Variants in POLN observed in about 807,000 individuals in gnomAD.
POLN encodes the protein DNA polymerase nu, also known as DNA polymerase N.
Under a neutral mutation model 113.5 loss-of-function variants are expected in POLN, and 108 were observed. The ratio of observed to expected loss-of-function variants is 0.95; its 90% CI spans 0.81 to 1.12. The LOEUF (loss-of-function observed/expected upper bound fraction) is 1.12, where lower values mean the gene tolerates loss of function less well. Among genes scored for constraint, POLN ranks in the 50% most tolerant of loss-of-function variants. The probability of loss-of-function intolerance (pLI) is 0.00; values close to 1 mark genes in which losing one functional copy is unlikely to be tolerated. For synonymous variants in POLN, 386 were observed against 391.5 expected, an observed-to-expected ratio of 0.99 and a Z score of 0.17; for missense variants, 1,097 against 1,077.1, an observed-to-expected ratio of 1.02 and a Z score of -0.26.
chr4:2,154,152 C>T (rs1355285674), intron 16 of POLN, among the ~76,000 whole-genome samples: 2 of 130,568 alleles, frequency 1.5e-5, no homozygotes, highest in African/African-American at 5.7e-5. Flanking sequence ...GAGCTGAGAT[C>T]ACGCCACTGC....
intron 2 of POLN, chr4:2,238,590 T>A (rs1315589175): frequency 6.9e-7 from 1 of 1,457,648 alleles, no homozygotes; most frequent in East Asian, 2.3e-5. Flanking sequence ...AAAGAAACAA[T>A]GAAGCATACG....
intron 16 of POLN, among the ~76,000 whole-genome samples, chr4:2,148,439 C>T (rs62288014): frequency 0.081 from 12,294 of 152,032 alleles, 752 homozygotes; most frequent in African/African-American, 0.16. Flanking sequence ...GAGGCCGACG[C>T]GGGTAGATTA....
intron 13 of POLN, among the ~76,000 whole-genome samples, chr4:2,166,613 A>G (rs1409195579): frequency 6.6e-6 from 1 of 152,228 alleles, no homozygotes. Flanking sequence ...GGGACTATCC[A>G]ATCAGCTAGG....
chr4:2,212,053 C>A (rs1368573202), intron 4 of POLN, among the ~76,000 whole-genome samples: 3 of 152,100 alleles, frequency 2.0e-5, no homozygotes, highest in African/African-American at 7.2e-5. Flanking sequence ...TCCCATCAAC[C>A]CAAGAGACAG....
chr4:2,146,004 A>G (rs1188123709), intron 16 of POLN, among the ~76,000 whole-genome samples: 1 of 151,544 alleles, frequency 6.6e-6, no homozygotes, highest in African/African-American at 2.4e-5. Flanking sequence ...CAGCAAATTT[A>G]TAAGTACAAT....
chr4:2,174,544 G>A lies in POLN; in HGVS notation c.1309+147C>T. 2 of 732,864 alleles carry A rather than the reference G, an allele frequency of 2.7e-6. 1 individual carries two copies. Among genetic ancestry groups the A allele is most frequent in the South Asian group, 3.2e-5 (2 of 61,926 alleles). The allele number at this position is 732,864 out of a possible 1,614,324, so 45.4% of individuals were successfully genotyped here. ...GAATGCAGTCCAACCCCTCACTACA[G>A]AAAGGGAAAATAATAGGCTTGCTAC... is the stretch of plus-strand genomic sequence containing the variant. On this transcript the variant is annotated intron_variant, in intron 10 of 25. Coordinates refer to ENST00000511885, the MANE Select transcript of POLN (RefSeq NM_181808.4).
At chr4:2,203,255 C>T (rs986222690) in intron 5 of POLN, among the ~76,000 whole-genome samples, 67 of 152,192 alleles carry the variant, frequency 4.4e-4, no homozygotes, top group African/African-American at 1.6e-3. Context: ...TGATCACTGG[C>T]TCAAAAATGA....
At chr4:2,089,761 A>G in intron 20 of POLN, 1 of 722,208 alleles carries the variant, frequency 1.4e-6, no homozygotes, top group South Asian at 1.8e-5. Flanking sequence ...TATGGACTTT[A>G]AATCTGGTAT....
chr4:2,236,825 T>C (rs1317531461), intron 2 of POLN, among the ~76,000 whole-genome samples: 3 of 151,626 alleles, frequency 2.0e-5, no homozygotes, highest in African/African-American at 7.3e-5. Flanking sequence ...ATTGCGCCAC[T>C]GCACTCCAGC....
intron 7 of POLN, among the ~76,000 whole-genome samples, chr4:2,185,237 C>A (rs1733241579): frequency 6.6e-6 from 1 of 152,224 alleles, no homozygotes; most frequent in African/African-American, 2.4e-5. Context: ...CCAAATCTAA[C>A]CTGAATCTGA....
At chr4:2,192,690 C>T (rs1006159966) in intron 7 of POLN, among the ~76,000 whole-genome samples, 3 of 151,704 alleles carry the variant, frequency 2.0e-5, no homozygotes, top group South Asian at 2.1e-4. Flanking sequence ...ATTTTAGGCC[C>T]GGTGCAGTGG....
At chr4:2,080,098 G>C (rs899326064) in intron 23 of POLN, 2 of 985,322 alleles carry the variant, frequency 2.0e-6, no homozygotes, top group African/African-American at 3.5e-5. Flanking sequence ...GCCCTTCGGG[G>C]ACTGACACTG....
chr4:2,074,359 G>A (rs1351499306), intron 24 of POLN, among the ~76,000 whole-genome samples: 2 of 152,180 alleles, frequency 1.3e-5, no homozygotes, highest in African/African-American at 2.4e-5. Context: ...CCCTGGCCCC[G>A]AGTGCTCCTG....
intron 13 of POLN, among the ~76,000 whole-genome samples, chr4:2,169,238 C>T (rs1732802224): frequency 6.6e-6 from 1 of 152,150 alleles, no homozygotes; most frequent in South Asian, 2.1e-4. Flanking sequence ...ATGCTAAGTG[C>T]AATAGAAGCT....
intron 7 of POLN, among the ~76,000 whole-genome samples, chr4:2,182,759 T>C (rs150297654): frequency 1.3e-5 from 2 of 151,652 alleles, no homozygotes; most frequent in African/African-American, 2.4e-5. Flanking sequence ...GATTAAACAA[T>C]AGTTTCTTAG....
At position 2,179,358 on chromosome 4, in the gene POLN, T is replaced by C. The variant is rs1032992682; in HGVS notation, c.1129A>G (p.Ile377Val). Residue 377 changes from isoleucine to valine, a missense_variant, in exon 8 of 26, where the codon ATT (isoleucine) becomes GTT (valine). Transcript: ENST00000511885. ...TATGTGCTGTTCACTTTAACTGTAA[T>C]GGATTTTTCACAGTATTTTTCTACT... ...DLVEKYCEKSITVKVNSTYGN... is the reference protein window; with the variant it reads ...DLVEKYCEKSVTVKVNSTYGN... The C allele has an allele frequency of 1.9e-6, 3 of 1,613,204 alleles. 1 individual carries two copies. The highest frequency in any genetic ancestry group is 2.2e-5 in the South Asian group (2 of 91,050).
At chr4:2,106,412 GA>G (rs1297774284) in intron 19 of POLN, among the ~76,000 whole-genome samples, 1 of 152,202 alleles carries the variant, frequency 6.6e-6, no homozygotes, top group Non-Finnish European at 1.5e-5. Context: ...CATGTCCTGT[GA>G]CAATCATCTC....
Position 2,095,715 on chromosome 4 carries a change from T to TCAGA in POLN, c.2065+135_2065+136insTCTG, listed in dbSNP as rs577484805. ...GGTGGTCTGGCCAGTGTCTGGTGAC[T>TCAGA]GCAGGTGTCATCAGAGCATAAACAA... On this transcript the variant is annotated intron_variant, in intron 20 of 25. Transcript: ENST00000511885. 1.5e-3 allele frequency: 1,144 copies of TCAGA among 772,582 alleles called. 19 individuals are homozygous for TCAGA. In the South Asian group the frequency reaches 0.016, roughly 11 times the overall value. 47.9% of individuals were successfully genotyped at this position (772,582 alleles called of 1,614,324 possible).
intron 16 of POLN, among the ~76,000 whole-genome samples, chr4:2,139,360 A>G (rs1268353557): frequency 6.6e-6 from 1 of 152,236 alleles, no homozygotes; most frequent in African/African-American, 2.4e-5. Flanking sequence ...TCCACCTGCC[A>G]GCCTTTGGCC....
Sources: allele counts gnomAD v4.1 joint callset (sites outside exome capture counted in the v4.1 genomes callset), GRCh38; gene constraint gnomAD v4.1.1; transcripts MANE v1.5; gene names NCBI Gene and HGNC (gene_info 2026-07-23, HGNC 2026-07-21).